MEAK7: variants seen among roughly 807,000 people sequenced by gnomAD.
MEAK7 encodes the protein MTOR-associated protein MEAK7.
Under a neutral mutation model 40.5 loss-of-function variants are expected in MEAK7, and 68 were observed. The ratio of observed to expected loss-of-function variants is 1.68; its 90% CI spans 1.38 to 2.06. The LOEUF (loss-of-function observed/expected upper bound fraction) is 2.06, where lower values mean the gene tolerates loss of function less well. Ranked by LOEUF, MEAK7 falls within the 30% of genes most tolerant of loss-of-function variation. The pLI is 0.00. For synonymous variants in MEAK7, 338 were observed against 231.9 expected (o/e 1.46, Z -4.16); for missense variants, 918 against 580.5 (o/e 1.58, Z -5.98).
At chr16:84,499,130 G>A (rs1360626340) in intron 1 of MEAK7, among the ~76,000 whole-genome samples, 1 of 152,212 alleles carries the variant, frequency 6.6e-6, no homozygotes, top group African/African-American at 2.4e-5. Context: ...GGCACCAAGA[G>A]CAGGTGACCT....
intron 3 of MEAK7, 124 bp downstream of exon 3, chr16:84,495,559 T>C (rs1197646274): frequency 4.6e-6 from 4 of 878,536 alleles, no homozygotes; most frequent in Middle Eastern, 3.3e-4. Flanking sequence ...CTCCGATTAA[T>C]TGAAACCCAG....
At chr16:84,496,795 C>G (rs1340061092) in intron 2 of MEAK7, among the ~76,000 whole-genome samples, 3 of 152,128 alleles carry the variant, frequency 2.0e-5, no homozygotes, top group Non-Finnish European at 4.4e-5. Flanking sequence ...TCCAAACTCT[C>G]CTGTCTTGTC....
intron 1 of MEAK7, chr16:84,504,252 C>G: frequency 5.6e-6 from 4 of 717,882 alleles, no homozygotes; most frequent in Non-Finnish European, 6.8e-6. Flanking sequence ...AGGCACCCCT[C>G]CCTTTCCGCG....
chr16:84,491,554 A>AAAAAC (rs1491046590), intron 3 of MEAK7, among the ~76,000 whole-genome samples: 1 of 131,238 alleles, frequency 7.6e-6, no homozygotes, highest in East Asian at 2.4e-4. Flanking sequence ...AAAAAAAAAA[A>AAAAAC]ACGTCTGGGC....
At chr16:84,491,320 T>G (rs942217518) in intron 3 of MEAK7, among the ~76,000 whole-genome samples, 2 of 151,608 alleles carry the variant, frequency 1.3e-5, no homozygotes, top group African/African-American at 2.4e-5. Context: ...GGCAGATCAT[T>G]TGAGGTTAGG....
chr16:84,488,464 C>T (rs1451182997), intron 4 of MEAK7: 1 of 151,960 alleles, frequency 6.6e-6, no homozygotes, highest in African/African-American at 2.4e-5. Flanking sequence ...ATATATACTG[C>T]TTCTCACCCA....
rs750558776 is a variant in MEAK7 at position 84,480,010 on chromosome 16, C to T, written c.1274G>A (p.Ser425Asn). The T allele has an allele frequency of 2.5e-6, 4 of 1,603,502 alleles. No individual in the cohort carries two copies. The highest frequency in any genetic ancestry group is 2.6e-6 in the Non-Finnish European group (3 of 1,172,946). ...SEEQLAKGNK[S>N]ILDADPEAQA... Reference sequence around the variant, plus strand: ...GGCCTCAGGGTCCGCATCCAGGATGCTCTTGTTGCCCTTGGCCTTGAGAAG... The same window carrying T: ...GGCCTCAGGGTCCGCATCCAGGATGTTCTTGTTGCCCTTGGCCTTGAGAAG... The change falls in exon 8 of 8, where the codon AGC (serine) becomes AAC (asparagine). Residue 425 changes from serine (S) to asparagine (N), a missense_variant. Physicochemically the swap from Ser to Asn is conservative, Grantham distance 46 (BLOSUM62 1). Coordinates refer to ENST00000343629, the MANE Select transcript of MEAK7 (RefSeq NM_020947.4).
In MEAK7 at chr16:84,480,040, G is replaced by T. The variant is rs949835673; in HGVS notation, c.1258-14C>A. 6.3e-7 allele frequency: 1 copy of T among 1,580,032 alleles called. No individual in the cohort carries two copies. Among genetic ancestry groups the T allele is most frequent in the Non-Finnish European group, 8.6e-7 (1 of 1,156,178 alleles). On this transcript the variant is annotated splice_polypyrimidine_tract_variant and intron_variant, in intron 7 of 7. Transcript: ENST00000343629. ...GTTGCCCTTGGCCTTGAGAAGAGAAGAAAGGGTGGGTGTGTTCCATGATGG... is the reference window on the plus strand; with the variant it reads ...GTTGCCCTTGGCCTTGAGAAGAGAATAAAGGGTGGGTGTGTTCCATGATGG...
intron 2 of MEAK7, chr16:84,497,441 C>T: frequency 7.8e-7 from 1 of 1,289,346 alleles, no homozygotes; most frequent in Non-Finnish European, 1.0e-6. Context: ...CAACGGTGCA[C>T]CTGACACGTC....
intron 1 of MEAK7, among the ~76,000 whole-genome samples, chr16:84,503,564 C>T (rs1361002464): frequency 6.6e-6 from 1 of 152,120 alleles, no homozygotes; most frequent in East Asian, 1.9e-4. Flanking sequence ...TTTTAATAAG[C>T]ATCATTAATT....
At chr16:84,490,653 G>GGGGTGTGTGTGTGT (rs571630201) in intron 3 of MEAK7, among the ~76,000 whole-genome samples, 7 of 104,502 alleles carry the variant, frequency 6.7e-5, no homozygotes, top group Non-Finnish European at 9.8e-5. Context: ...AGCTAATCAA[G>GGGGTGTGTGTGTGT]ATGTGTGTGT....
At chr16:84,495,261 T>A (rs533224269) in intron 3 of MEAK7, among the ~76,000 whole-genome samples, 1 of 152,152 alleles carries the variant, frequency 6.6e-6, no homozygotes, top group Non-Finnish European at 1.5e-5. Context: ...AGATCAAGAC[T>A]CCATTTCAAA....
At position 84,495,208 on chromosome 16, in the gene MEAK7, G is replaced by T. The variant is rs1401331826; in HGVS notation, c.384+475C>A. 2.6e-5 allele frequency among the ~76,000 whole-genome samples: 4 copies of T among 152,168 alleles called. No individual in the cohort carries two copies. In the East Asian group the frequency reaches 7.7e-4, roughly 29 times the overall value. On this transcript the variant is annotated intron_variant, in intron 3 of 7. Coordinates refer to ENST00000343629, the MANE Select transcript of MEAK7 (RefSeq NM_020947.4). ...CACTTGAACCTGAGAGGCAGAGGTTGCAGTGAGTCAAGATCGCGCCACTCA... is the reference window on the plus strand; with the variant it reads ...CACTTGAACCTGAGAGGCAGAGGTTTCAGTGAGTCAAGATCGCGCCACTCA...
At chr16:84,495,491 C>T in intron 3 of MEAK7, 192 bp downstream of exon 3, 1 of 601,250 alleles carries the variant, frequency 1.7e-6, no homozygotes, top group Non-Finnish European at 2.9e-6. Context: ...TCAAAATCAT[C>T]TTTGGAGAAA....
At chr16:84,481,719 G>T (rs1017461016) in intron 6 of MEAK7, among the ~76,000 whole-genome samples, 2 of 152,164 alleles carry the variant, frequency 1.3e-5, no homozygotes, top group Non-Finnish European at 2.9e-5. Flanking sequence ...GGATCACGAG[G>T]TCAGGAGATG....
At position 84,479,682 on chromosome 16, in the gene MEAK7, A is replaced by AC; in HGVS notation, c.*230dup. The stretch of plus-strand genomic sequence containing the variant: ...ATTTCTTGGAGAGATCCTGAGGGTG[A>AC]CCCTGTAGGGAAAAAAAGAAAACTT... On this transcript the variant is annotated 3_prime_UTR_variant, in exon 8 of 8. Coordinates refer to ENST00000343629, the MANE Select transcript of MEAK7 (RefSeq NM_020947.4). 1 of 385,680 alleles carries AC rather than the reference A, an allele frequency of 2.6e-6. No homozygotes were observed. The highest frequency in any genetic ancestry group is 3.7e-5 in the East Asian group (1 of 26,680). The allele number at this position is 385,680 out of a possible 1,614,324, so 23.9% of individuals were successfully genotyped here.
intron 1 of MEAK7, chr16:84,499,846 C>T (rs1023141488): frequency 6.6e-6 from 1 of 152,234 alleles, no homozygotes; most frequent in African/African-American, 2.4e-5. Flanking sequence ...AGACCAGCCA[C>T]AGCAACGTAG....
Position 84,479,794 on chromosome 16 carries a change from C to G in MEAK7, c.*119G>C. On this transcript the variant is annotated 3_prime_UTR_variant, in exon 8 of 8. Coordinates refer to ENST00000343629, the MANE Select transcript of MEAK7 (RefSeq NM_020947.4). ...TCTTGGCACATGTGGGACTACCAGG[C>G]TGTGACCCGTGCGGTACGCTATTAC... is the stretch of plus-strand genomic sequence containing the variant. 1 of 612,736 alleles carries G rather than the reference C, an allele frequency of 1.6e-6. No individual in the cohort carries two copies. Among genetic ancestry groups the G allele is most frequent in the Non-Finnish European group, 2.6e-6 (1 of 388,416 alleles). 38.0% of individuals were successfully genotyped at this position (612,736 alleles called of 1,614,324 possible).
chr16:84,493,046 CA>C (rs1480165190), intron 3 of MEAK7, among the ~76,000 whole-genome samples: 2 of 152,264 alleles, frequency 1.3e-5, no homozygotes, highest in East Asian at 1.9e-4. Flanking sequence ...GAAGCACTGT[CA>C]AATATGAAAT....
Sources: allele counts gnomAD v4.1 joint callset (sites outside exome capture counted in the v4.1 genomes callset), GRCh38; gene constraint gnomAD v4.1.1; transcripts MANE v1.5; gene names NCBI Gene and HGNC (gene_info 2026-07-23, HGNC 2026-07-21).